The following ENTPD1 variants were observed in gnomAD, a reference collection of about 807,000 sequenced individuals.
ENTPD1 encodes ectonucleoside triphosphate diphosphohydrolase 1, also known as ATP diphosphohydrolase.
Under a neutral mutation model 57.0 loss-of-function variants are expected in ENTPD1, and 33 were observed. The ratio of observed to expected loss-of-function variants is 0.58; its 90% CI spans 0.44 to 0.77. The LOEUF (loss-of-function observed/expected upper bound fraction) is 0.77, where lower values mean the gene tolerates loss of function less well. Ranked by LOEUF, ENTPD1 falls within the 30% of genes least tolerant of loss-of-function variation. The pLI is 0.00. For synonymous variants in ENTPD1, 202 were observed against 218.8 expected, an observed-to-expected ratio of 0.92 and a Z score of 0.68; for missense variants, 501 against 603.4, an observed-to-expected ratio of 0.83 and a Z score of 1.78.
In ENTPD1 at chr10:95,734,109, C is replaced by T. The variant is rs559354935; in HGVS notation, c.37+22116C>T. Reference sequence around the variant, plus strand: ...TGAGGCAAAGCCCCCTCACCACACTCCCCCTTTCCTACTTAGCATGGGGAA... The same window carrying T: ...TGAGGCAAAGCCCCCTCACCACACTTCCCCTTTCCTACTTAGCATGGGGAA... On this transcript the variant is annotated intron_variant, in intron 1 of 9. Coordinates refer to the ENTPD1 transcript ENST00000453258. Among the ~76,000 whole-genome samples, 4 of 152,308 alleles carry T rather than the reference C, an allele frequency of 2.6e-5. No homozygotes were observed. The South Asian group carries it at 6.2e-4, about 24-fold the overall frequency.
intron 1 of ENTPD1, among the ~76,000 whole-genome samples, chr10:95,735,658 C>T (rs1036953146): frequency 2.0e-5 from 3 of 151,972 alleles, no homozygotes; most frequent in Admixed American, 1.3e-4. Flanking sequence ...TGCAATGGTG[C>T]GATCTCGGCT....
rs1160370224 is a variant in ENTPD1, at chr10:95,875,267, G to A, written c.*8884G>A. The A allele has an allele frequency of 3.9e-5, 6 of 152,230 alleles. No individual in the cohort carries two copies. Among genetic ancestry groups the A allele is most frequent in the Non-Finnish European group, 8.8e-5 (6 of 68,086 alleles). 9.4% of individuals were successfully genotyped at this position (152,230 alleles called of 1,614,324 possible). A position where few individuals can be genotyped will look rare whatever the true frequency, so the allele number is the denominator to read the frequency against. Reference sequence around the variant, plus strand: ...CAAGTCACCTTTTGAATGCTTTGCTGCTTAGAAATTTATTCCACCAGATAC... The same window carrying A: ...CAAGTCACCTTTTGAATGCTTTGCTACTTAGAAATTTATTCCACCAGATAC... On this transcript the variant is annotated 3_prime_UTR_variant, in exon 10 of 10. Coordinates refer to ENST00000371205, the MANE Select transcript of ENTPD1 (RefSeq NM_001776.6).
At chr10:95,824,048 G>A (rs982728542) in intron 2 of ENTPD1, among the ~76,000 whole-genome samples, 3 of 152,118 alleles carry the variant, frequency 2.0e-5, no homozygotes, top group African/African-American at 7.2e-5. Context: ...GTTCATCAAA[G>A]TAAAATTTCA....
intron 1 of ENTPD1, among the ~76,000 whole-genome samples, chr10:95,742,471 T>A (rs545988621): frequency 6.6e-6 from 1 of 152,272 alleles, no homozygotes; most frequent in Admixed American, 6.5e-5. Context: ...TTGGAAACTT[T>A]TTAAGATACT....
intron 2 of ENTPD1, among the ~76,000 whole-genome samples, chr10:95,837,106 A>G (rs905170281): frequency 6.6e-6 from 1 of 152,220 alleles, no homozygotes; most frequent in African/African-American, 2.4e-5. Context: ...TTGTTTCTCA[A>G]CTACCTCACT....
rs1566084325 is a variant in ENTPD1 at position 95,711,989 on chromosome 10, G to GT, written c.33_34insT (p.Lys12Ter). 4 of 1,613,728 alleles carry GT rather than the reference G, an allele frequency of 2.5e-6. No individual in the cohort carries two copies. The African/African-American group carries it at 5.3e-5, about 22-fold the overall frequency. The stretch of plus-strand genomic sequence containing the variant: ...GAACCAAGGACCTGACAAGCCAGCA[G>GT]AAGGGTAAGAAATTCTTACCAGTCA... On this transcript the variant is annotated frameshift_variant, in exon 1 of 10. Transcript: ENST00000453258. LOFTEE classifies it high-confidence loss of function.
chr10:95,751,474 C>A (rs138474301), upstream of ENTPD1, among the ~76,000 whole-genome samples: 4,839 of 152,158 alleles, frequency 0.032, 104 homozygotes, highest in South Asian at 0.08. Context: ...AATCCCAGGA[C>A]TTTGGGAGGC....
At chr10:95,701,226 T>TGAA in the ENTPD1 span, among the ~76,000 whole-genome samples, 1 of 152,262 alleles carries the variant, frequency 6.6e-6, no homozygotes, top group Non-Finnish European at 1.5e-5. Flanking sequence ...GAAGGGAAGT[T>TGAA]GAAGCAGAAG....
rs71034350 is a variant in ENTPD1, at chr10:95,760,814, CTTTTTTTTTTTTTTTTT to C, written c.16+4576_16+4592del. Among the ~76,000 whole-genome samples the C allele has an allele frequency of 1.6e-4, 10 of 62,956 alleles. No individual in the cohort carries two copies. In the East Asian group the frequency reaches 2.0e-3, roughly 12 times the overall value. 41.3% of individuals were successfully genotyped at this position (62,956 alleles called of 152,430 possible). ...TGGAGTAAATTACATAGAGTTTATT[CTTTTTTTTTTTTTTTTT>C]TTTTTTTTTTTTTTTTGAGACGGAG... On this transcript the variant is annotated intron_variant, in intron 1 of 9. Transcript: ENST00000371205.
chr10:95,847,417 T>C (rs1164091475), intron 6 of ENTPD1, 29 bp from the exon 7 acceptor site: 1 of 1,613,776 alleles, frequency 6.2e-7, no homozygotes, highest in Admixed American at 1.7e-5. Flanking sequence ...CGTTCACACA[T>C]GATGCTTTCA....
intron 1 of ENTPD1, among the ~76,000 whole-genome samples, chr10:95,796,240 T>C (rs2098225309): frequency 6.6e-6 from 1 of 152,174 alleles, no homozygotes; most frequent in South Asian, 2.1e-4. Context: ...AGGTGCTCTG[T>C]CTCATAGGGG....
Position 95,868,728 on chromosome 10 carries a change from T to A in ENTPD1, c.*2345T>A, listed in dbSNP as rs2098477095. ...ATGTCTTCTGGTTGAAGCCTATTGC[T>A]TTTTCTTTTCTAAACACTTTCCCTC... On this transcript the variant is annotated 3_prime_UTR_variant, in exon 10 of 10. Transcript: ENST00000371205. 1.0e-6 allele frequency: 1 copy of A among 985,110 alleles called. No homozygotes were observed. 61.0% of individuals were successfully genotyped at this position (985,110 alleles called of 1,614,324 possible). A position where few individuals can be genotyped will look rare whatever the true frequency, so the allele number is the denominator to read the frequency against.
Position 95,867,103 on chromosome 10 carries a change from C to T in ENTPD1, c.*720C>T. The T allele has an allele frequency of 3.0e-6, 3 of 986,436 alleles. No homozygotes were observed. The highest frequency in any genetic ancestry group is 3.6e-6 in the Non-Finnish European group (3 of 830,676). The allele number at this position is 986,436 out of a possible 1,614,324, so 61.1% of individuals were successfully genotyped here. A position where few individuals can be genotyped will look rare whatever the true frequency, so the allele number is the denominator to read the frequency against. ...GCAGATGTAAATATATGCATTCAAA[C>T]ATCAGGGCTTACTATGAGGTAGGTG... is the stretch of plus-strand genomic sequence containing the variant. On this transcript the variant is annotated 3_prime_UTR_variant, in exon 10 of 10. Transcript: ENST00000371205.
At position 95,872,094 on chromosome 10, in the gene ENTPD1, T is replaced by C; in HGVS notation, c.*5711T>C. The C allele has an allele frequency of 2.0e-6, 2 of 985,410 alleles. No individual in the cohort carries two copies. The highest frequency in any genetic ancestry group is 2.4e-6 in the Non-Finnish European group (2 of 829,926). The allele number at this position is 985,410 out of a possible 1,614,324, so 61.0% of individuals were successfully genotyped here. A position where few individuals can be genotyped will look rare whatever the true frequency, so the allele number is the denominator to read the frequency against. ...CTGTGCAATATTTTTCTTTTTTATT[T>C]CTCCTTCTAATATTACTGTTATTGC... On this transcript the variant is annotated 3_prime_UTR_variant, in exon 10 of 10. Transcript: ENST00000371205.
intron 7 of ENTPD1, among the ~76,000 whole-genome samples, chr10:95,850,202 C>A (rs1253763111): frequency 6.6e-6 from 1 of 152,328 alleles, no homozygotes; most frequent in East Asian, 1.9e-4. Context: ...GCCTTCTGAA[C>A]CTCAGTTTGG....
chr10:95,760,811 A>ATTTTT (rs1399145317), intron 1 of ENTPD1, among the ~76,000 whole-genome samples: 46 of 48,348 alleles, frequency 9.5e-4, no homozygotes, highest in South Asian at 1.5e-3. Context: ...CATAGAGTTT[A>ATTTTT]TTCTTTTTTT....
upstream of ENTPD1, chr10:95,755,692 CTGGTCA>C (rs1243099064): frequency 3.9e-6 from 6 of 1,537,228 alleles, no homozygotes; most frequent in Admixed American, 7.8e-5. Flanking sequence ...GAAAGGATTG[CTGGTCA>C]TGGGACCAGA....
chr10:95,867,529 G>C lies in ENTPD1; in HGVS notation c.*1146G>C, dbSNP rs1443504122. ...CATTAGTGTGGAGTGGCATGCTTTT[G>C]CCCTATCGTGGAATTTACACATCAG... is the stretch of plus-strand genomic sequence containing the variant. On this transcript the variant is annotated 3_prime_UTR_variant, in exon 10 of 10. Coordinates refer to ENST00000371205, the MANE Select transcript of ENTPD1 (RefSeq NM_001776.6). 3 of 985,288 alleles carry C rather than the reference G, an allele frequency of 3.0e-6. No homozygotes were observed. The African/African-American group carries it at 5.2e-5, about 17-fold the overall frequency. 61.0% of individuals were successfully genotyped at this position (985,288 alleles called of 1,614,324 possible).
At chr10:95,840,517 G>C (rs2098420186) in intron 3 of ENTPD1, among the ~76,000 whole-genome samples, 1 of 152,096 alleles carries the variant, frequency 6.6e-6, no homozygotes, top group Non-Finnish European at 1.5e-5. Context: ...AGGCTCTTAG[G>C]GCTGGGAAAA....
Sources: allele counts gnomAD v4.1 joint callset (sites outside exome capture counted in the v4.1 genomes callset), GRCh38; gene constraint gnomAD v4.1.1; transcripts MANE v1.5; gene names NCBI Gene and HGNC (gene_info 2026-07-23, HGNC 2026-07-21).